DLGAP1: variants seen among roughly 807,000 people sequenced by gnomAD.
The protein encoded by DLGAP1 is DLG associated protein 1, also known as disks large-associated protein 1.
Under a neutral mutation model 90.8 loss-of-function variants are expected in DLGAP1, and 11 were observed. That is an observed-to-expected ratio of 0.12 (90% CI 0.08 to 0.20). The LOEUF (loss-of-function observed/expected upper bound fraction) is 0.20, where lower values mean the gene tolerates loss of function less well. Ranked by LOEUF, DLGAP1 falls within the 10% of genes least tolerant of loss-of-function variation. DLGAP1 has a pLI of 1.00. For synonymous variants in DLGAP1, 558 were observed against 540.7 expected, an observed-to-expected ratio of 1.03 and a Z score of -0.44; for missense variants, 1,050 against 1,333.8, an observed-to-expected ratio of 0.79 and a Z score of 3.31.
chr18:3,920,292 G>C (rs577551610), intron 3 of DLGAP1, among the ~76,000 whole-genome samples: 1 of 151,056 alleles, frequency 6.6e-6, no homozygotes, highest in South Asian at 2.1e-4. Flanking sequence ...GCAGTGAGCC[G>C]GGGGTTGCAG....
At chr18:4,058,416 T>C (rs1331405141) in intron 2 of DLGAP1, among the ~76,000 whole-genome samples, 1 of 152,218 alleles carries the variant, frequency 6.6e-6, no homozygotes, top group African/African-American at 2.4e-5. Flanking sequence ...TGATTTACCA[T>C]ATACTTTTTG....
chr18:4,243,495 A>G (rs1452894883), intron 1 of DLGAP1, among the ~76,000 whole-genome samples: 1 of 152,178 alleles, frequency 6.6e-6, no homozygotes, highest in Admixed American at 6.5e-5. Context: ...GGCAAGAAGT[A>G]TTCTTCATCA....
intron 3 of DLGAP1, among the ~76,000 whole-genome samples, chr18:3,952,480 C>T (rs1025884113): frequency 2.0e-5 from 3 of 152,144 alleles, no homozygotes; most frequent in Non-Finnish European, 4.4e-5. Context: ...AGGGTGGCAT[C>T]GGACCACGGC....
At chr18:3,760,495 G>T (rs998616723) in intron 5 of DLGAP1, among the ~76,000 whole-genome samples, 1 of 152,212 alleles carries the variant, frequency 6.6e-6, no homozygotes, top group South Asian at 2.1e-4. Flanking sequence ...TTTATTGCCA[G>T]CTGGCTGGGG....
chr18:4,251,494 T>G (rs775508829), intron 1 of DLGAP1, among the ~76,000 whole-genome samples: 3 of 152,212 alleles, frequency 2.0e-5, no homozygotes, highest in African/African-American at 4.8e-5. Context: ...TGGAGAGTTA[T>G]GCAGTTTGCT....
At chr18:3,956,698 T>A (rs1173068934) in intron 3 of DLGAP1, among the ~76,000 whole-genome samples, 4 of 152,132 alleles carry the variant, frequency 2.6e-5, no homozygotes, top group Non-Finnish European at 4.4e-5. Context: ...CCAGGCTGGA[T>A]GGAGTGCAGT....
At chr18:4,228,186 G>A (rs2078231599) in intron 1 of DLGAP1, among the ~76,000 whole-genome samples, 1 of 151,750 alleles carries the variant, frequency 6.6e-6, no homozygotes, top group Admixed American at 6.6e-5. Context: ...GGACAAATAA[G>A]AAGTAACCAG....
intron 2 of DLGAP1, among the ~76,000 whole-genome samples, chr18:4,024,353 T>C (rs1185160187): frequency 6.6e-6 from 1 of 152,060 alleles, no homozygotes; most frequent in Non-Finnish European, 1.5e-5. Flanking sequence ...ATCCCCACTT[T>C]CCCGGTGAGG....
intron 3 of DLGAP1, among the ~76,000 whole-genome samples, chr18:3,985,510 C>A (rs1476305676): frequency 2.1e-5 from 3 of 145,276 alleles, no homozygotes; most frequent in South Asian, 4.4e-4. Flanking sequence ...AAAGCCTGGG[C>A]CTTCGACTTA....
intron 1 of DLGAP1, among the ~76,000 whole-genome samples, chr18:4,345,227 T>C (rs1342366613): frequency 6.6e-6 from 1 of 151,630 alleles, no homozygotes; most frequent in Non-Finnish European, 1.5e-5. Context: ...TTTTTTTTAA[T>C]CTCTCCCAAG....
At chr18:3,809,189 C>T (rs894004136) in intron 5 of DLGAP1, among the ~76,000 whole-genome samples, 4 of 152,064 alleles carry the variant, frequency 2.6e-5, no homozygotes, top group Non-Finnish European at 4.4e-5. Flanking sequence ...TGGAATCCAT[C>T]AATGCTGGGA....
intron 1 of DLGAP1, among the ~76,000 whole-genome samples, chr18:4,345,124 C>T (rs914277139): frequency 8.5e-5 from 13 of 152,104 alleles, no homozygotes; most frequent in South Asian, 2.1e-4. Context: ...GTGTCATGGC[C>T]CAAGCGCCAA....
At chr18:3,974,378 T>C (rs1229393638) in intron 3 of DLGAP1, among the ~76,000 whole-genome samples, 1 of 152,224 alleles carries the variant, frequency 6.6e-6, no homozygotes, top group Non-Finnish European at 1.5e-5. Flanking sequence ...CTAAATGTAG[T>C]TGTATTGCAT....
intron 7 of DLGAP1, among the ~76,000 whole-genome samples, chr18:3,715,538 T>A (rs1242700509): frequency 6.6e-6 from 1 of 152,234 alleles, no homozygotes; most frequent in Non-Finnish European, 1.5e-5. Context: ...TCTGAATGGA[T>A]AACGATGATG....
At chr18:3,669,592 C>T (rs1368324129) in intron 7 of DLGAP1, among the ~76,000 whole-genome samples, 1 of 152,184 alleles carries the variant, frequency 6.6e-6, no homozygotes, top group Non-Finnish European at 1.5e-5. Flanking sequence ...TCGATGCCAT[C>T]GACCCGCGAC....
At chr18:3,912,308 T>C (rs1300845869) in intron 3 of DLGAP1, among the ~76,000 whole-genome samples, 1 of 152,168 alleles carries the variant, frequency 6.6e-6, no homozygotes, top group East Asian at 1.9e-4. Flanking sequence ...CTGTGTTAAG[T>C]TCTGTGGGGG....
chr18:3,976,551 T>A (rs1190240692), intron 3 of DLGAP1, among the ~76,000 whole-genome samples: 3 of 152,240 alleles, frequency 2.0e-5, no homozygotes. Flanking sequence ...ATTAATTTTC[T>A]TCATGTTACT....
chr18:4,354,096 C>T (rs8092565), intron 1 of DLGAP1, among the ~76,000 whole-genome samples: 96,273 of 151,994 alleles, frequency 0.63, 30,548 homozygotes, highest in East Asian at 0.73. Context: ...TGTTGGGGCT[C>T]GTTACTTTGA....
chr18:4,299,022 G>A (rs1676476), intron 1 of DLGAP1, among the ~76,000 whole-genome samples: 149,391 of 149,476 alleles, frequency 1, 74,653 homozygotes, highest in Non-Finnish European at 1. Context: ...CACAGCTTGC[G>A]GTGAGCCCAG....
Sources: gnomAD v4.1 joint callset for allele counts (sites outside exome capture counted in the v4.1 genomes callset) on GRCh38, gnomAD v4.1.1 for gene constraint, MANE v1.5 for transcripts, NCBI Gene and HGNC (gene_info 2026-07-23, HGNC 2026-07-21) for gene names.